The following RIMBP2 variants were observed in gnomAD, a reference collection of about 807,000 sequenced individuals.
RIMBP2 encodes the protein RIMS binding protein 2, also known as RIMS-binding protein 2.
In RIMBP2, 48 loss-of-function variants were observed where a neutral mutation model predicts 118.6. The observed-to-expected ratio is 0.40, with a 90% confidence interval of 0.32 to 0.51. The LOEUF (loss-of-function observed/expected upper bound fraction) is 0.51, where lower values mean the gene tolerates loss of function less well. Ranked by LOEUF, RIMBP2 falls within the 20% of genes least tolerant of loss-of-function variation. The probability of loss-of-function intolerance (pLI) is 0.41; values close to 1 mark genes in which losing one functional copy is unlikely to be tolerated. For synonymous variants in RIMBP2, 762 were observed against 742.9 expected (o/e 1.03, Z -0.42); for missense variants, 1,551 against 1,768.3 (o/e 0.88, Z 2.20).
At chr12:130,482,867 T>C (rs112466083) in intron 4 of RIMBP2, among the ~76,000 whole-genome samples, 751 of 53,638 alleles carry the variant, frequency 0.014, 9 homozygotes, top group Middle Eastern at 0.045. Flanking sequence ...AATACACCCA[T>C]TGTGTGTGTA....
In RIMBP2 at chr12:130,527,415, C is replaced by T. The variant is rs565753358; in HGVS notation, c.-216-9498G>A. 1.2e-4 allele frequency among the ~76,000 whole-genome samples: 18 copies of T among 152,316 alleles called. No homozygotes were observed. The South Asian group carries it at 3.7e-3, about 32-fold the overall frequency. ...TTGCTTCAACCATGACTGATACATGCTATTCCTGATCTGTTTGATATTTCA... is the reference window on the plus strand; with the variant it reads ...TTGCTTCAACCATGACTGATACATGTTATTCCTGATCTGTTTGATATTTCA... On this transcript the variant is annotated intron_variant, in intron 2 of 22. Coordinates refer to ENST00000690449, the MANE Select transcript of RIMBP2 (RefSeq NM_001393629.1).
intron 1 of RIMBP2, among the ~76,000 whole-genome samples, chr12:130,655,886 A>G (rs1455478237): frequency 6.6e-6 from 1 of 152,226 alleles, no homozygotes; most frequent in Non-Finnish European, 1.5e-5. Flanking sequence ...CGGAGGCACC[A>G]CGCAGCCCAT....
intron 3 of RIMBP2, 71 bp from the exon 4 acceptor site, chr12:130,506,841 C>G: frequency 3.1e-6 from 3 of 969,162 alleles, no homozygotes; most frequent in Non-Finnish European, 3.7e-6. Flanking sequence ...GTTGCTTCCT[C>G]TTTAGGAGCA....
intron 6 of RIMBP2, among the ~76,000 whole-genome samples, chr12:130,463,052 T>C (rs1363182254): frequency 1.3e-5 from 2 of 152,224 alleles, no homozygotes; most frequent in Non-Finnish European, 2.9e-5. Context: ...CTCTCGTGAC[T>C]GCCAGGGGGG....
chr12:130,567,278 C>T (rs918929397), intron 2 of RIMBP2, among the ~76,000 whole-genome samples: 6 of 152,128 alleles, frequency 3.9e-5, no homozygotes, highest in African/African-American at 1.2e-4. Context: ...CCCAGGTTTC[C>T]GCATGGTCTG....
chr12:130,604,069 G>A (rs528942303), intron 2 of RIMBP2, among the ~76,000 whole-genome samples: 4 of 152,294 alleles, frequency 2.6e-5, no homozygotes, highest in Admixed American at 1.3e-4. Flanking sequence ...ACATGCAGGT[G>A]CAAGACGGTG....
rs146778328 is a variant in RIMBP2, at chr12:130,480,969, G to A, written c.-3-1953C>T. Reference sequence around the variant, plus strand: ...GTAGCCTTCGCAAGTCATGAGGTCGGACACACGCGTCCAAGAGAAGGTTAA... The same window carrying A: ...GTAGCCTTCGCAAGTCATGAGGTCGAACACACGCGTCCAAGAGAAGGTTAA... On this transcript the variant is annotated intron_variant, in intron 4 of 22. Transcript: ENST00000690449. Among the ~76,000 whole-genome samples the A allele has an allele frequency of 2.5e-3, 377 of 152,366 alleles. 1 individual carries two copies. Among genetic ancestry groups the A allele is most frequent in the African/African-American group, 8.8e-3 (364 of 41,576 alleles).
intron 1 of RIMBP2, among the ~76,000 whole-genome samples, chr12:130,674,686 T>C (rs1445255246): frequency 1.3e-5 from 2 of 152,332 alleles, no homozygotes; most frequent in African/African-American, 2.4e-5. Flanking sequence ...CACAATGTTA[T>C]GTGACCATCA....
At chr12:130,492,519 T>C (rs1426429406) in intron 4 of RIMBP2, among the ~76,000 whole-genome samples, 1 of 152,232 alleles carries the variant, frequency 6.6e-6, no homozygotes, top group Non-Finnish European at 1.5e-5. Flanking sequence ...CCTTCTCCTC[T>C]GGCCCTGATG....
At position 130,424,598 on chromosome 12, in the gene RIMBP2, C is replaced by T. The variant is rs914972439; in HGVS notation, c.2673G>A (p.Ser891=). 5.5e-5 allele frequency: 68 copies of T among 1,231,750 alleles called. No individual in the cohort carries two copies. In the East Asian group the frequency reaches 1.8e-3, roughly 33 times the overall value. 76.3% of individuals were successfully genotyped at this position (1,231,750 alleles called of 1,614,324 possible). Residue 891 remains serine (S), a synonymous_variant, in exon 16 of 23, where the codon TCG becomes TCA. Coordinates refer to ENST00000690449, the MANE Select transcript of RIMBP2 (RefSeq NM_001393629.1). This position sits in a 1 kb window ranked among gnomAD's most constrained non-coding sequence, Gnocchi z 9.8. ...GSWFPVKHRG[S]GAVPHVEDFL... ...AGTCCTCCACGTGGGGGACGGCCCC[C>T]GAGCCCCTGTGCTTCACCGGGAACC...
chr12:130,428,316 C>T lies in RIMBP2; in HGVS notation c.2275G>A (p.Glu759Lys), dbSNP rs751225625. Residue 759 changes from glutamate to lysine, a missense_variant, in exon 15 of 23, where the codon GAG becomes AAG. This residue lies in a region of RIMBP2 where 1,038 missense variants were observed against 1,125.1 expected (regional missense o/e 0.92). Transcript: ENST00000690449. ...CCCCGGCTGCTCTCTGTGTGGTACT[C>T]GTCTCCATGGCAACAGTGCGGCTGG... is the stretch of plus-strand genomic sequence containing the variant. ...GKQPHCCHGD[E>K]YHTESSRGSD... The T allele has an allele frequency of 3.1e-6, 5 of 1,611,574 alleles. No individual in the cohort carries two copies. Among genetic ancestry groups the T allele is most frequent in the South Asian group, 1.1e-5 (1 of 90,524 alleles).
intron 2 of RIMBP2, among the ~76,000 whole-genome samples, chr12:130,585,638 A>C (rs2058835573): frequency 1.3e-5 from 2 of 150,434 alleles, no homozygotes; most frequent in Admixed American, 1.3e-4. Flanking sequence ...AAAAGAGGCC[A>C]GTTTTTAAAA....
At chr12:130,402,861 T>C (rs1024561844) in intron 21 of RIMBP2, among the ~76,000 whole-genome samples, 5 of 152,158 alleles carry the variant, frequency 3.3e-5, no homozygotes. Flanking sequence ...GGTACAGGAT[T>C]TAAGGTTTCA....
Position 130,441,828 on chromosome 12 carries a change from C to A in RIMBP2, c.1504+20G>T. On this transcript the variant is annotated intron_variant, in intron 11 of 22. Coordinates refer to ENST00000690449, the MANE Select transcript of RIMBP2 (RefSeq NM_001393629.1). ...TGGCGTTCTCTCCCTGGGGGACCCA[C>A]GGAAGGACACAGGGCTCACCTGCAG... The A allele has an allele frequency of 1.2e-6, 2 of 1,602,518 alleles. No homozygotes were observed. The highest frequency in any genetic ancestry group is 8.5e-7 in the Non-Finnish European group (1 of 1,172,310).
In RIMBP2 at chr12:130,703,537, G is replaced by A. The variant is rs1475216186; in HGVS notation, c.-352+12685C>T. ...GCGACCACCCGGTGCTCAGCTCAGG[G>A]CTGAGCCGCAGTCTGAGGGCCGGGC... On this transcript the variant is annotated intron_variant, in intron 1 of 22. Transcript: ENST00000690449. The surrounding 1 kb of genome is among the most constrained non-coding windows in gnomAD (Gnocchi z 5.7). Among the ~76,000 whole-genome samples the A allele has an allele frequency of 6.6e-6, 1 of 152,128 alleles. No homozygotes were observed. Among genetic ancestry groups the A allele is most frequent in the Non-Finnish European group, 1.5e-5 (1 of 68,022 alleles).
intron 1 of RIMBP2, among the ~76,000 whole-genome samples, chr12:130,646,322 TCCACCTGCCTCA>T (rs1398754300): frequency 0.011 from 56 of 5,236 alleles, 17 homozygotes; most frequent in South Asian, 0.067. Flanking sequence ...CACTTCCCTC[TCCACCTGCCTCA>T]CCACCTCCCT....
In RIMBP2 at chr12:130,710,361, C is replaced by T. The variant is rs988243649; in HGVS notation, c.-352+5861G>A. 4.6e-5 allele frequency among the ~76,000 whole-genome samples: 7 copies of T among 152,204 alleles called. No individual in the cohort carries two copies. Among genetic ancestry groups the T allele is most frequent in the Admixed American group, 1.3e-4 (2 of 15,292 alleles). On this transcript the variant is annotated intron_variant, in intron 1 of 22. Transcript: ENST00000690449. The surrounding 1 kb of genome is among the most constrained non-coding windows in gnomAD (Gnocchi z 4.3). ...CATTGGAACCCTCTGCTGGGCACTC[C>T]ATCAGGGCAGCTGTCTCTGGTGTAG...
intron 2 of RIMBP2, among the ~76,000 whole-genome samples, chr12:130,564,790 C>A (rs1475018133): frequency 6.6e-6 from 1 of 152,082 alleles, no homozygotes; most frequent in African/African-American, 2.4e-5. Flanking sequence ...TGCATTAGTT[C>A]CAGAGATCTG....
At chr12:130,540,668 C>T (rs2054523970) in intron 2 of RIMBP2, among the ~76,000 whole-genome samples, 1 of 152,176 alleles carries the variant, frequency 6.6e-6, no homozygotes, top group Admixed American at 6.5e-5. Context: ...TTTCCCCACA[C>T]ATGGCTAAAT....
Sources: allele counts gnomAD v4.1 joint callset (sites outside exome capture counted in the v4.1 genomes callset), GRCh38; gene constraint gnomAD v4.1.1; regional missense constraint gnomAD v4.1.1; non-coding constraint Gnocchi (gnomAD v3.1); transcripts MANE v1.5; gene names NCBI Gene and HGNC (gene_info 2026-07-23, HGNC 2026-07-21).